The following PKHD1 variants were observed in gnomAD, a reference collection of about 807,000 sequenced individuals.
The protein encoded by PKHD1 is PKHD1 ciliary IPT domain containing fibrocystin/polyductin, also known as fibrocystin.
A neutral mutation model predicts 412.0 loss-of-function variants in PKHD1; 291 were observed. The observed-to-expected ratio is 0.71, with a 90% CI of 0.64 to 0.78. The LOEUF (loss-of-function observed/expected upper bound fraction) is 0.78, where lower values mean the gene tolerates loss of function less well. PKHD1 is among the 30% of genes least tolerant of loss of function. The pLI, the probability that PKHD1 is intolerant of heterozygous loss-of-function variation, is 0.00. For synonymous variants in PKHD1, 1,777 were observed against 1,821.5 expected, an observed-to-expected ratio of 0.98 and a Z score of 0.62; for missense variants, 4,825 against 4,950.7, an observed-to-expected ratio of 0.97 and a Z score of 0.76.
Position 52,019,793 on chromosome 6 carries a change from A to G in PKHD1, c.5381-2164T>C, listed in dbSNP as rs548935008. Among the ~76,000 whole-genome samples, 14 of 152,378 alleles carry G rather than the reference A, an allele frequency of 9.2e-5. No homozygotes were observed. In the East Asian group the frequency reaches 2.5e-3, roughly 27 times the overall value. On this transcript the variant is annotated intron_variant, in intron 33 of 66. Transcript: ENST00000371117. ...TGCTCATTTTAAACAAACACAAAGTATTAGTTTCACCTAACAGGATGTTTT... is the reference window on the plus strand; with the variant it reads ...TGCTCATTTTAAACAAACACAAAGTGTTAGTTTCACCTAACAGGATGTTTT...
At chr6:51,925,200 A>G (rs1785335797) in intron 37 of PKHD1, among the ~76,000 whole-genome samples, 1 of 152,234 alleles carries the variant, frequency 6.6e-6, no homozygotes, top group Non-Finnish European at 1.5e-5. Context: ...GATCCTCACA[A>G]CCTAGCAGGA....
intron 33 of PKHD1, among the ~76,000 whole-genome samples, chr6:52,018,428 CTT>C (rs1330527969): frequency 1.3e-5 from 2 of 152,176 alleles, no homozygotes; most frequent in African/African-American, 4.8e-5. Context: ...AATTATCAGA[CTT>C]TTAATTTTTG....
intron 37 of PKHD1, among the ~76,000 whole-genome samples, chr6:51,928,881 C>T (rs1337428922): frequency 1.3e-5 from 2 of 152,092 alleles, no homozygotes; most frequent in Non-Finnish European, 2.9e-5. Flanking sequence ...CTCCATCCTG[C>T]GTTTTGATTA....
At chr6:51,968,510 G>C (rs1487067708) in intron 35 of PKHD1, among the ~76,000 whole-genome samples, 1 of 152,172 alleles carries the variant, frequency 6.6e-6, no homozygotes. Context: ...ATTTTGATCA[G>C]AACCAGATAA....
intron 60 of PKHD1, among the ~76,000 whole-genome samples, chr6:51,668,161 A>C (rs1460646597): frequency 6.6e-6 from 1 of 152,076 alleles, no homozygotes; most frequent in African/African-American, 2.4e-5. Flanking sequence ...CACGATATTG[A>C]TTCTTCCTAC....
rs562160590 is a variant in PKHD1 at position 51,659,581 on chromosome 6, A to G, written c.10545T>C (p.Ile3515=). 5.6e-6 allele frequency: 9 copies of G among 1,613,762 alleles called. No homozygotes were observed. The Admixed American group carries it at 1.2e-4, about 21-fold the overall frequency. Residue 3515 remains isoleucine, a synonymous_variant, in exon 61 of 67, where the codon ATT becomes ATC. Coordinates refer to ENST00000371117, the MANE Select transcript of PKHD1 (RefSeq NM_138694.4). ...AAGCTGACTGAACCAGAGTGGGTGG[A>G]ATAAAACTTTCCCCTAAGAAGACGT... ...SPHVFLGESF[I]PPTLVQSASL... is the part of the protein sequence containing the mutation.
At chr6:51,627,167 C>A in intron 65 of PKHD1, 51 bp from the exon 66 acceptor site, 1 of 1,511,238 alleles carries the variant, frequency 6.6e-7, no homozygotes, top group Non-Finnish European at 9.1e-7. Flanking sequence ...GTAAGTGGGA[C>A]CATCAGCATT....
chr6:51,916,510 C>A (rs577416837), intron 37 of PKHD1, among the ~76,000 whole-genome samples: 3 of 152,048 alleles, frequency 2.0e-5, no homozygotes, highest in Non-Finnish European at 4.4e-5. Flanking sequence ...GAATCTAAGA[C>A]CAGAGAACTA....
intron 60 of PKHD1, among the ~76,000 whole-genome samples, chr6:51,733,535 CAA>C (rs11381839): frequency 2.3e-5 from 3 of 129,130 alleles, no homozygotes; most frequent in Non-Finnish European, 1.6e-5. Flanking sequence ...GACTCCCTCT[CAA>C]AAAAAAAAAA....
At position 51,912,467 on chromosome 6, in the gene PKHD1, G is replaced by A; in HGVS notation, c.6231C>T (p.Val2077=). 3.1e-6 allele frequency: 5 copies of A among 1,612,802 alleles called. No individual in the cohort carries two copies. The highest frequency in any genetic ancestry group is 4.2e-6 in the Non-Finnish European group (5 of 1,179,012). Residue 2077 remains valine, a synonymous_variant, in exon 38 of 67, where the codon GTC becomes GTT. Transcript: ENST00000371117. ...AVDWNPGDEV[V]IISGTGVKGA... ...CTTTAACACCTGTTCCACTGATGAT[G>A]ACAACTTCATCCCCAGGGTTCCAGT...
At chr6:51,982,627 T>C (rs1312863011) in intron 35 of PKHD1, among the ~76,000 whole-genome samples, 2 of 146,974 alleles carry the variant, frequency 1.4e-5, no homozygotes, top group Admixed American at 6.8e-5. Flanking sequence ...TCGTCAAGAG[T>C]CATCACCACT....
chr6:51,736,890 G>A (rs1344932735), intron 60 of PKHD1, among the ~76,000 whole-genome samples: 2 of 152,126 alleles, frequency 1.3e-5, no homozygotes, highest in South Asian at 2.1e-4. Context: ...ACAAAAAGTT[G>A]AGAAACTGCA....
chr6:51,837,033 G>C (rs1361756279), intron 50 of PKHD1, among the ~76,000 whole-genome samples: 1 of 152,090 alleles, frequency 6.6e-6, no homozygotes, highest in Non-Finnish European at 1.5e-5. Context: ...TAATCAAAAG[G>C]CCTGATTCTT....
chr6:51,881,799 T>G (rs544113953), intron 46 of PKHD1, among the ~76,000 whole-genome samples: 1 of 152,278 alleles, frequency 6.6e-6, no homozygotes, highest in African/African-American at 2.4e-5. Flanking sequence ...GTTTTATGAT[T>G]TGGATAACTA....
chr6:52,072,954 A>G (rs1810848024), intron 7 of PKHD1, among the ~76,000 whole-genome samples: 1 of 152,174 alleles, frequency 6.6e-6, no homozygotes, highest in South Asian at 2.1e-4. Flanking sequence ...ACTTTCCACC[A>G]CGTCTCCAGT....
chr6:51,889,086 G>C (rs1778689710), intron 43 of PKHD1, among the ~76,000 whole-genome samples: 1 of 152,040 alleles, frequency 6.6e-6, no homozygotes. Context: ...TAGATGAAGG[G>C]AGTCTCCAAG....
At chr6:51,898,398 C>T (rs1395134411) in intron 43 of PKHD1, among the ~76,000 whole-genome samples, 1 of 148,876 alleles carries the variant, frequency 6.7e-6, no homozygotes, top group African/African-American at 2.5e-5. Flanking sequence ...ACTGAACAAC[C>T]TGCTCCTGAA....
chr6:51,994,850 T>C (rs1797531833), intron 35 of PKHD1, among the ~76,000 whole-genome samples: 1 of 152,142 alleles, frequency 6.6e-6, no homozygotes, highest in African/African-American at 2.4e-5. Context: ...CCCAAAGTAC[T>C]GGAATTACAG....
chr6:51,708,608 TC>T (rs1197757882), intron 60 of PKHD1, among the ~76,000 whole-genome samples: 1 of 152,228 alleles, frequency 6.6e-6, no homozygotes, highest in Non-Finnish European at 1.5e-5. Context: ...AGGTTGGACT[TC>T]TTTTCATTTG....
Sources: allele counts gnomAD v4.1 joint callset (sites outside exome capture counted in the v4.1 genomes callset), GRCh38; gene constraint gnomAD v4.1.1; transcripts MANE v1.5; gene names NCBI Gene and HGNC (gene_info 2026-07-23, HGNC 2026-07-21).